Variants in EXOC6B observed in about 807,000 individuals in gnomAD.
EXOC6B encodes the protein SEC15 homolog B.
In EXOC6B, 54 loss-of-function variants were observed where a neutral mutation model predicts 113.5. That is an observed-to-expected ratio of 0.48 (90% CI 0.38 to 0.60). The LOEUF (loss-of-function observed/expected upper bound fraction) is 0.60, where lower values mean the gene tolerates loss of function less well. Ranked by LOEUF, EXOC6B falls within the 20% of genes least tolerant of loss-of-function variation. The pLI is 0.00. For missense variants in EXOC6B, 797 were observed against 977.5 expected, an observed-to-expected ratio of 0.82 and a Z score of 2.46; for synonymous variants, 357 against 339.0, an observed-to-expected ratio of 1.05 and a Z score of -0.58.
chr2:72,202,456 C>T (rs1679547675), intron 20 of EXOC6B, among the ~76,000 whole-genome samples: 1 of 152,184 alleles, frequency 6.6e-6, no homozygotes, highest in Non-Finnish European at 1.5e-5. Context: ...AACCCCAGAA[C>T]CATCATGTCC....
chr2:72,460,268 G>A (rs1697535017), intron 18 of EXOC6B, among the ~76,000 whole-genome samples: 1 of 117,670 alleles, frequency 8.5e-6, no homozygotes, highest in Non-Finnish European at 1.6e-5. Flanking sequence ...AGAAAACCTA[G>A]GCAATACCAT....
At chr2:72,699,884 T>C (rs1290222721) in intron 6 of EXOC6B, among the ~76,000 whole-genome samples, 2 of 152,170 alleles carry the variant, frequency 1.3e-5, no homozygotes, top group African/African-American at 4.8e-5. Flanking sequence ...AATATGGCTT[T>C]CTATATACAG....
intron 6 of EXOC6B, among the ~76,000 whole-genome samples, chr2:72,608,550 T>C (rs550592543): frequency 3.0e-4 from 46 of 152,304 alleles, no homozygotes; most frequent in African/African-American, 1.1e-3. Context: ...AAACCAAAGA[T>C]TCTTTACAAT....
intron 20 of EXOC6B, among the ~76,000 whole-genome samples, chr2:72,295,229 C>CAA (rs547104239): frequency 7.6e-5 from 6 of 78,906 alleles, no homozygotes; most frequent in Non-Finnish European, 1.2e-4. Context: ...GACTCCATCT[C>CAA]AAAAAAAAAA....
intron 18 of EXOC6B, among the ~76,000 whole-genome samples, chr2:72,433,855 A>G (rs1415254852): frequency 6.6e-6 from 1 of 152,082 alleles, no homozygotes; most frequent in Non-Finnish European, 1.5e-5. Flanking sequence ...GCAAACAAAG[A>G]CAATCTGACT....
At chr2:72,205,202 C>T (rs1177826368) in intron 20 of EXOC6B, among the ~76,000 whole-genome samples, 1 of 152,124 alleles carries the variant, frequency 6.6e-6, no homozygotes, top group Non-Finnish European at 1.5e-5. Context: ...CTTTGAGCTG[C>T]TATGAGAGAT....
At chr2:72,426,532 T>C (rs909805989) in intron 18 of EXOC6B, among the ~76,000 whole-genome samples, 4 of 152,246 alleles carry the variant, frequency 2.6e-5, no homozygotes, top group African/African-American at 7.2e-5. Context: ...CTATTTGTTA[T>C]GATTAGTGTG....
At chr2:72,224,831 T>G (rs1217472872) in intron 20 of EXOC6B, among the ~76,000 whole-genome samples, 1 of 150,742 alleles carries the variant, frequency 6.6e-6, no homozygotes, top group Non-Finnish European at 1.5e-5. Context: ...CGTGTGTGTA[T>G]GTGTGTATGT....
rs570109441 is a variant in EXOC6B, at chr2:72,194,840, G to A, written c.2197-10653C>T. ...TTAAGGGGGTCAAGCTTATACCTGA[G>A]CTTTGCAACAACGGCCAGTAACAGG... On this transcript the variant is annotated intron_variant, in intron 20 of 21. Transcript: ENST00000272427. 3.3e-5 allele frequency among the ~76,000 whole-genome samples: 5 copies of A among 152,196 alleles called. No individual in the cohort carries two copies. The East Asian group carries it at 9.7e-4, about 30-fold the overall frequency.
chr2:72,821,493 CAT>C (rs1686579451), intron 1 of EXOC6B, among the ~76,000 whole-genome samples: 1 of 151,994 alleles, frequency 6.6e-6, no homozygotes, highest in African/African-American at 2.4e-5. Context: ...AAAATGAAAA[CAT>C]ATGTCTCTAC....
At chr2:72,576,342 G>T (rs1039179860) in intron 6 of EXOC6B, among the ~76,000 whole-genome samples, 1 of 151,944 alleles carries the variant, frequency 6.6e-6, no homozygotes. Flanking sequence ...AATCCCTTCA[G>T]CTTAAAAAAA....
intron 18 of EXOC6B, among the ~76,000 whole-genome samples, chr2:72,406,364 C>G (rs1693764276): frequency 6.6e-6 from 1 of 152,096 alleles, no homozygotes; most frequent in Admixed American, 6.5e-5. Context: ...TAATAGACAT[C>G]TACAGAACTC....
At chr2:72,233,848 C>G (rs933518761) in intron 20 of EXOC6B, among the ~76,000 whole-genome samples, 3 of 152,300 alleles carry the variant, frequency 2.0e-5, no homozygotes, top group Non-Finnish European at 2.9e-5. Context: ...CCCCTACCTA[C>G]CCCCACCACT....
intron 19 of EXOC6B, among the ~76,000 whole-genome samples, chr2:72,348,603 C>T (rs1339930436): frequency 1.3e-5 from 2 of 152,018 alleles, no homozygotes; most frequent in South Asian, 2.1e-4. Context: ...TAGGATATAA[C>T]GTTTTTAAAA....
intron 20 of EXOC6B, among the ~76,000 whole-genome samples, chr2:72,192,318 T>C (rs1678898122): frequency 2.6e-5 from 4 of 152,230 alleles, no homozygotes; most frequent in African/African-American, 9.6e-5. Context: ...GAGAGACTTA[T>C]ACTTTGTGCT....
chr2:72,586,852 C>T lies in EXOC6B; in HGVS notation c.670-11184G>A, dbSNP rs111620485. The stretch of plus-strand genomic sequence containing the variant: ...ATCATCAAGGAAATGCAAATCAAAA[C>T]CACAATGAGGTACCATCTCACACCA... On this transcript the variant is annotated intron_variant, in intron 6 of 21. Transcript: ENST00000272427. Among the ~76,000 whole-genome samples the T allele has an allele frequency of 1.5e-4, 23 of 151,970 alleles. 2 individuals are homozygous for T. Among genetic ancestry groups the T allele is most frequent in the African/African-American group, 4.6e-4 (19 of 41,396 alleles).
intron 18 of EXOC6B, among the ~76,000 whole-genome samples, chr2:72,455,922 T>A (rs982440990): frequency 3.3e-5 from 5 of 152,062 alleles, no homozygotes; most frequent in African/African-American, 4.8e-5. Context: ...TTGTTAAATG[T>A]TAAGAGACAG....
rs115119189 is a variant in EXOC6B at position 72,676,861 on chromosome 2, C to T, written c.669+41242G>A. 4.9e-3 allele frequency among the ~76,000 whole-genome samples: 752 copies of T among 152,204 alleles called. 7 individuals carry two copies. The highest frequency in any genetic ancestry group is 0.017 in the African/African-American group (698 of 41,520). Reference sequence around the variant, plus strand: ...CTCATATCACAAGATCTTTATACCTCCTAGGCAACTTTTAAAAGATACTAC... The same window carrying T: ...CTCATATCACAAGATCTTTATACCTTCTAGGCAACTTTTAAAAGATACTAC... On this transcript the variant is annotated intron_variant, in intron 6 of 21. Coordinates refer to ENST00000272427, the MANE Select transcript of EXOC6B (RefSeq NM_015189.3).
chr2:72,393,055 C>T (rs1692486632), intron 18 of EXOC6B, among the ~76,000 whole-genome samples: 1 of 151,702 alleles, frequency 6.6e-6, no homozygotes, highest in African/African-American at 2.4e-5. Flanking sequence ...AAAAGGGGAA[C>T]TTAATGAAGG....
Sources: allele counts gnomAD v4.1 joint callset (sites outside exome capture counted in the v4.1 genomes callset), GRCh38; gene constraint gnomAD v4.1.1; transcripts MANE v1.5; gene names NCBI Gene and HGNC (gene_info 2026-07-23, HGNC 2026-07-21).